VWA8: variants seen among roughly 807,000 people sequenced by gnomAD.
VWA8 encodes von Willebrand factor A domain-containing protein 8.
A neutral mutation model predicts 241.5 loss-of-function variants in VWA8; 221 were observed. The ratio of observed to expected loss-of-function variants is 0.91; its 90% CI spans 0.82 to 1.02. The LOEUF is 1.02. VWA8 is among the 50% of genes least tolerant of loss of function. The pLI is 0.00. For synonymous variants in VWA8, 852 were observed against 827.1 expected (o/e 1.03, Z -0.52); for missense variants, 2,322 against 2,328.7 (o/e 1.00, Z 0.06).
At chr13:41,906,522 G>A (rs1038642192) in intron 4 of VWA8, among the ~76,000 whole-genome samples, 26 of 151,812 alleles carry the variant, frequency 1.7e-4, no homozygotes, top group Non-Finnish European at 8.8e-5. Context: ...CTATCAGTAC[G>A]TACACATTCA....
intron 14 of VWA8, among the ~76,000 whole-genome samples, chr13:41,827,194 C>T (rs1040340403): frequency 6.6e-6 from 1 of 152,090 alleles, no homozygotes; most frequent in Non-Finnish European, 1.5e-5. Context: ...TAGTAAACTG[C>T]TTAAGTGGGT....
intron 30 of VWA8, among the ~76,000 whole-genome samples, chr13:41,692,528 A>C (rs922501737): frequency 2.0e-5 from 3 of 152,092 alleles, no homozygotes; most frequent in African/African-American, 7.2e-5. Flanking sequence ...CCAAAACATA[A>C]CTACATAACT....
chr13:41,838,271 GT>G (rs1342149539), intron 12 of VWA8, among the ~76,000 whole-genome samples: 44 of 152,118 alleles, frequency 2.9e-4, no homozygotes, highest in Non-Finnish European at 2.9e-4. Flanking sequence ...GTACAAAGTG[GT>G]TGTGTGTACA....
intron 17 of VWA8, 85 bp downstream of exon 17, chr13:41,811,140 G>T: frequency 8.7e-7 from 1 of 1,149,504 alleles, no homozygotes; most frequent in Non-Finnish European, 1.3e-6. Context: ...TTGAAGAATT[G>T]GGAATATGCA....
At chr13:41,911,949 C>G in intron 3 of VWA8, 89 bp downstream of exon 3, 8 of 1,291,390 alleles carry the variant, frequency 6.2e-6, no homozygotes, top group Non-Finnish European at 8.0e-6. Flanking sequence ...ATGACTAATT[C>G]TGATATTTTT....
intron 37 of VWA8, among the ~76,000 whole-genome samples, chr13:41,665,937 T>G (rs139634405): frequency 2.6e-5 from 4 of 152,276 alleles, no homozygotes; most frequent in African/African-American, 7.2e-5. Flanking sequence ...TTTAACATTC[T>G]ATAATTTTCA....
At chr13:41,770,047 G>A (rs368024211) in intron 20 of VWA8, among the ~76,000 whole-genome samples, 2 of 152,264 alleles carry the variant, frequency 1.3e-5, no homozygotes, top group East Asian at 3.9e-4. Context: ...CTGAACTCTT[G>A]AAAGTCGGCA....
chr13:41,667,882 T>A (rs1195886908), intron 37 of VWA8, among the ~76,000 whole-genome samples: 1 of 152,224 alleles, frequency 6.6e-6, no homozygotes, highest in African/African-American at 2.4e-5. Context: ...GTTATGGTTA[T>A]TTATTATAGG....
intron 12 of VWA8, 146 bp downstream of exon 12, chr13:41,865,590 C>T: frequency 1.2e-6 from 1 of 820,372 alleles, no homozygotes; most frequent in South Asian, 1.9e-5. Flanking sequence ...TATAATTGCA[C>T]TTTAATTTGA....
At chr13:41,784,751 T>TACACACAC (rs2137939411) in intron 18 of VWA8, among the ~76,000 whole-genome samples, 5 of 111,400 alleles carry the variant, frequency 4.5e-5, no homozygotes, top group African/African-American at 1.5e-4. Flanking sequence ...TATATATATA[T>TACACACAC]ATATATATAT....
chr13:41,590,501 T>C (rs75651335), intron 41 of VWA8, 139 bp downstream of exon 41: 26,216 of 773,976 alleles, frequency 0.034, 230 homozygotes, highest in East Asian at 0.1. Context: ...TCTTCTTCTT[T>C]TTTTTTTTTT....
chr13:41,937,220 G>T (rs573404810), intron 2 of VWA8, among the ~76,000 whole-genome samples: 9 of 152,234 alleles, frequency 5.9e-5, no homozygotes, highest in Admixed American at 2.0e-4. Context: ...GGAGGGAAAT[G>T]GTTTCAGGAT....
intron 20 of VWA8, among the ~76,000 whole-genome samples, chr13:41,764,291 T>C (rs574050740): frequency 6.6e-6 from 1 of 152,158 alleles, no homozygotes; most frequent in South Asian, 2.1e-4. Context: ...CCATTCCTTG[T>C]CTCCTTCATT....
chr13:41,945,954 T>A (rs1176752113), intron 2 of VWA8, among the ~76,000 whole-genome samples: 1 of 152,046 alleles, frequency 6.6e-6, no homozygotes, highest in African/African-American at 2.4e-5. Flanking sequence ...TTCAAAGAAA[T>A]CTGCACTTAG....
At chr13:41,769,778 T>C (rs1026116450) in intron 20 of VWA8, among the ~76,000 whole-genome samples, 4 of 152,134 alleles carry the variant, frequency 2.6e-5, no homozygotes, top group Admixed American at 1.3e-4. Flanking sequence ...AATAAAAATT[T>C]TTACCTCAAA....
intron 35 of VWA8, among the ~76,000 whole-genome samples, chr13:41,681,342 G>A (rs959345134): frequency 6.6e-6 from 1 of 151,992 alleles, no homozygotes; most frequent in Non-Finnish European, 1.5e-5. Flanking sequence ...TATCAAGATG[G>A]CCCTGCATAA....
At chr13:41,957,290 T>C (rs1292402146) in intron 1 of VWA8, among the ~76,000 whole-genome samples, 1 of 152,202 alleles carries the variant, frequency 6.6e-6, no homozygotes, top group African/African-American at 2.4e-5. Flanking sequence ...GGAGTTTCTG[T>C]ACACAAGCTC....
chr13:41,819,217 C>A lies in VWA8; in HGVS notation c.1869+1G>T, dbSNP rs775344511. On this transcript the variant is annotated splice_donor_variant, in intron 15 of 44. Transcript: ENST00000379310. LOFTEE classifies it high-confidence loss of function. ...TAGACTAAGATTGGCTTTCTTCTTA[C>A]CTTTTCCTTAATCACTTGGATTTCT... 4 of 1,600,306 alleles carry A rather than the reference C, an allele frequency of 2.5e-6. No homozygotes were observed. Among genetic ancestry groups the A allele is most frequent in the Non-Finnish European group, 3.4e-6 (4 of 1,176,770 alleles).
At chr13:41,738,692 C>G (rs1281525773) in intron 21 of VWA8, among the ~76,000 whole-genome samples, 2 of 152,052 alleles carry the variant, frequency 1.3e-5, no homozygotes, top group East Asian at 3.8e-4. Flanking sequence ...TTTAGGCATT[C>G]AACATGACCT....
Sources: allele counts gnomAD v4.1 joint callset (sites outside exome capture counted in the v4.1 genomes callset), GRCh38; gene constraint gnomAD v4.1.1; transcripts MANE v1.5; gene names NCBI Gene and HGNC (gene_info 2026-07-23, HGNC 2026-07-21).